The following PARD6G variants were observed in gnomAD, a reference collection of about 807,000 sequenced individuals.
PARD6G encodes the protein partitioning defective 6 homolog gamma.
In PARD6G, 7 loss-of-function variants were observed where a neutral mutation model predicts 10.7. The observed-to-expected ratio is 0.66, with a 90% CI of 0.37 to 1.23. The LOEUF (loss-of-function observed/expected upper bound fraction) is 1.23. Among genes scored for constraint, PARD6G ranks in the 50% most tolerant of loss-of-function variants. The pLI, the probability that PARD6G is intolerant of heterozygous loss-of-function variation, is 0.02. For missense variants in PARD6G, 548 were observed against 571.8 expected (o/e 0.96, Z 0.42); for synonymous variants, 287 against 269.4 (o/e 1.07, Z -0.64).
chr18:80,199,399 C>T (rs1019642083), intron 2 of PARD6G, among the ~76,000 whole-genome samples: 2 of 152,210 alleles, frequency 1.3e-5, no homozygotes, highest in East Asian at 1.9e-4. Context: ...TAGACACACA[C>T]GCACATGCGC....
intron 2 of PARD6G, among the ~76,000 whole-genome samples, chr18:80,195,159 C>T (rs1445131876): frequency 6.6e-6 from 1 of 152,160 alleles, no homozygotes; most frequent in Non-Finnish European, 1.5e-5. Flanking sequence ...ATGTGTTAAT[C>T]ATCACACAAG....
In PARD6G at chr18:80,246,049, G is replaced by A. The variant is rs76646105; in HGVS notation, c.72+1228C>T. ...CCTGGAAATCCTACTCCAAAGGTCA[G>A]AGCAGCACAGCGAGAGGGGGCTGTT... is the stretch of plus-strand genomic sequence containing the variant. On this transcript the variant is annotated intron_variant, in intron 1 of 2. Coordinates refer to ENST00000353265, the MANE Select transcript of PARD6G (RefSeq NM_032510.4). This position sits in a 1 kb window ranked among gnomAD's most constrained non-coding sequence, Gnocchi z 6.7. Among the ~76,000 whole-genome samples, 670 of 152,190 alleles carry A rather than the reference G, an allele frequency of 4.4e-3. 13 individuals carry two copies. In the East Asian group the frequency reaches 0.066, roughly 15 times the overall value.
intron 1 of PARD6G, among the ~76,000 whole-genome samples, chr18:80,219,178 G>A (rs933584017): frequency 6.6e-5 from 10 of 151,144 alleles, no homozygotes; most frequent in Admixed American, 1.3e-4. Context: ...TCTGCAGTAG[G>A]CTTGAATTTC....
In PARD6G at chr18:80,160,083, G is replaced by T; in HGVS notation, c.819C>A (p.Thr273=). 1 of 1,589,570 alleles carries T rather than the reference G, an allele frequency of 6.3e-7. No homozygotes were observed. Among genetic ancestry groups the T allele is most frequent in the Non-Finnish European group, 8.6e-7 (1 of 1,169,030 alleles). The part of the protein sequence containing the change: ...LGSSGPPSDG[T]AGFVGPPAPR... ...GGGCGGGGGGACCCACGAAGCCCGC[G>T]GTGCCGTCCGAGGGCGGTCCCGAGC... The change falls in exon 3 of 3, where the codon ACC becomes ACA. Residue 273 remains threonine (T), a synonymous_variant. Transcript: ENST00000353265.
rs2052678757 is a variant in PARD6G, at chr18:80,159,419, G to A, written c.*352C>T. ...CCAACTTACTTAAAAACATGAATTT[G>A]ACTATTTTAAAAAAGTAATTTTAAA... On this transcript the variant is annotated 3_prime_UTR_variant, in exon 3 of 3. Coordinates refer to ENST00000353265, the MANE Select transcript of PARD6G (RefSeq NM_032510.4). 5.0e-6 allele frequency: 1 copy of A among 198,572 alleles called. No homozygotes were observed. The highest frequency in any genetic ancestry group is 1.0e-5 in the Non-Finnish European group (1 of 99,430). 12.3% of individuals were successfully genotyped at this position (198,572 alleles called of 1,614,324 possible). A position where few individuals can be genotyped will look rare whatever the true frequency, so the allele number is the denominator to read the frequency against.
At chr18:80,177,043 A>ACACG (rs1457070385) in intron 2 of PARD6G, among the ~76,000 whole-genome samples, 1 of 148,692 alleles carries the variant, frequency 6.7e-6, no homozygotes, top group African/African-American at 2.5e-5. Flanking sequence ...ACACACACAC[A>ACACG]CACACCACAG....
In PARD6G at chr18:80,159,597, C is replaced by T. The variant is rs2052680719; in HGVS notation, c.*174G>A. On this transcript the variant is annotated 3_prime_UTR_variant, in exon 3 of 3. Transcript: ENST00000353265. ...CAGGCGTTCATTTTAAGTTCTGTGG[C>T]GAAATTCTATAAAAATAGGCAATAC... 2 of 1,113,626 alleles carry T rather than the reference C, an allele frequency of 1.8e-6. No homozygotes were observed. The highest frequency in any genetic ancestry group is 3.2e-5 in the South Asian group (1 of 31,670). 69.0% of individuals were successfully genotyped at this position (1,113,626 alleles called of 1,614,324 possible).
chr18:80,159,887 G>A lies in PARD6G; in HGVS notation c.1015C>T (p.Leu339=). 6.6e-7 allele frequency: 1 copy of A among 1,515,090 alleles called. No individual in the cohort carries two copies. The highest frequency in any genetic ancestry group is 8.8e-7 in the Non-Finnish European group (1 of 1,137,672). The allele number at this position is 1,515,090 out of a possible 1,614,324, so 93.9% of individuals were successfully genotyped here. A position where few individuals can be genotyped will look rare whatever the true frequency, so the allele number is the denominator to read the frequency against. ...CGCTGGAGGCCGCCGTCCAGGGCCA[G>A]GTCCCGCTGCAGCCGCTGCGCCAGG... ...AGLAQRLQRD[L]ALDGGLQRLL... The change falls in exon 3 of 3, where the codon CTG becomes TTG. Residue 339 remains leucine, a synonymous_variant. Coordinates refer to ENST00000353265, the MANE Select transcript of PARD6G (RefSeq NM_032510.4).
intron 1 of PARD6G, among the ~76,000 whole-genome samples, chr18:80,239,169 A>G (rs4398161): frequency 0.86 from 130,644 of 151,916 alleles, 56,330 homozygotes; most frequent in Non-Finnish European, 0.88. Context: ...GGGCCAGGGT[A>G]CAGGAGAGCT....
At position 80,182,986 on chromosome 18, in the gene PARD6G, C is replaced by A; in HGVS notation, c.295+19724G>T. The A allele has an allele frequency of 1.5e-6, 1 of 658,408 alleles. No individual in the cohort carries two copies. The highest frequency in any genetic ancestry group is 2.8e-6 in the Non-Finnish European group (1 of 361,788). 40.8% of individuals were successfully genotyped at this position (658,408 alleles called of 1,614,324 possible). ...CCCTCCCAGTCCTCCTTCGTCCTGA[C>A]GTGGCTCCCAGTGGAATGAGATGGC... is the stretch of plus-strand genomic sequence containing the variant. On this transcript the variant is annotated intron_variant, in intron 2 of 2. Transcript: ENST00000353265. The surrounding 1 kb of genome is among the most constrained non-coding windows in gnomAD (Gnocchi z 4.5).
chr18:80,212,447 A>G (rs1318978182), intron 1 of PARD6G, among the ~76,000 whole-genome samples: 1 of 152,256 alleles, frequency 6.6e-6, no homozygotes, highest in Non-Finnish European at 1.5e-5. Context: ...AGTGCCGGCC[A>G]TATTTGTTAT....
chr18:80,214,785 C>G (rs1390837417), intron 1 of PARD6G, among the ~76,000 whole-genome samples: 1 of 152,020 alleles, frequency 6.6e-6, no homozygotes, highest in Non-Finnish European at 1.5e-5. Flanking sequence ...GGCAGAAAGG[C>G]TATTTGGAAA....
At chr18:80,205,796 C>G (rs1269048242) in intron 1 of PARD6G, among the ~76,000 whole-genome samples, 1 of 152,192 alleles carries the variant, frequency 6.6e-6, no homozygotes, top group Non-Finnish European at 1.5e-5. Context: ...TTCTTTACAG[C>G]TATGTGAGAA....
At position 80,228,081 on chromosome 18, in the gene PARD6G, A is replaced by G. The variant is rs757394265; in HGVS notation, c.72+19196T>C. Among the ~76,000 whole-genome samples, 1 of 152,194 alleles carries G rather than the reference A, an allele frequency of 6.6e-6. No homozygotes were observed. Among genetic ancestry groups the G allele is most frequent in the Non-Finnish European group, 1.5e-5 (1 of 68,034 alleles). On this transcript the variant is annotated intron_variant, in intron 1 of 2. Coordinates refer to ENST00000353265, the MANE Select transcript of PARD6G (RefSeq NM_032510.4). The surrounding 1 kb of genome is among the most constrained non-coding windows in gnomAD (Gnocchi z 4.6). ...CATTTTATCCCCAAGAGAGCTCAGT[A>G]TACAGTAGATACTAAAAACATTTAC...
intron 1 of PARD6G, among the ~76,000 whole-genome samples, chr18:80,241,491 A>T (rs1967489201): frequency 6.9e-6 from 1 of 145,088 alleles, no homozygotes; most frequent in Non-Finnish European, 1.5e-5. Context: ...CCCACGTTAC[A>T]GTATTGTGAT....
At chr18:80,213,946 CAAA>C (rs36051371) in intron 1 of PARD6G, among the ~76,000 whole-genome samples, 1 of 115,842 alleles carries the variant, frequency 8.6e-6, no homozygotes, top group Non-Finnish European at 1.7e-5. Context: ...GACTCCATCT[CAAA>C]AAAAAAAAAA....
chr18:80,172,126 T>G (rs1306536714), intron 2 of PARD6G, among the ~76,000 whole-genome samples: 1 of 152,214 alleles, frequency 6.6e-6, no homozygotes, highest in African/African-American at 2.4e-5. Context: ...TCTACAGCGG[T>G]TGAAACATTT....
intron 1 of PARD6G, among the ~76,000 whole-genome samples, chr18:80,211,544 A>G (rs1167799467): frequency 5.3e-5 from 8 of 152,256 alleles, no homozygotes; most frequent in Non-Finnish European, 1.2e-4. Flanking sequence ...CATATGATCC[A>G]GCATTCTACC....
intron 1 of PARD6G, among the ~76,000 whole-genome samples, chr18:80,240,375 C>T (rs189635150): frequency 1.6e-3 from 242 of 152,292 alleles, no homozygotes; most frequent in African/African-American, 5.4e-3. Flanking sequence ...ATTTGCTCAA[C>T]GGACCATTTC....
Sources: gnomAD v4.1 joint callset for allele counts (sites outside exome capture counted in the v4.1 genomes callset) on GRCh38, gnomAD v4.1.1 for gene constraint, Gnocchi (gnomAD v3.1) non-coding constraint, MANE v1.5 for transcripts, NCBI Gene and HGNC (gene_info 2026-07-23, HGNC 2026-07-21) for gene names.